Variants in ENOX1 observed in about 807,000 individuals in gnomAD.
The protein encoded by ENOX1 is candidate growth-related and time keeping constitutive hydroquinone (NADH) oxidase.
In ENOX1, 42 loss-of-function variants were observed where a neutral mutation model predicts 82.5. That is an observed-to-expected ratio of 0.51 (90% CI 0.40 to 0.66). ENOX1 has a LOEUF of 0.66. ENOX1 is among the 30% of genes least tolerant of loss of function. The pLI is 0.00. For missense variants in ENOX1, 608 were observed against 811.6 expected, an observed-to-expected ratio of 0.75 and a Z score of 3.05; for synonymous variants, 271 against 282.2, an observed-to-expected ratio of 0.96 and a Z score of 0.40.
chr13:43,600,027 C>A (rs2081634570), intron 2 of ENOX1, among the ~76,000 whole-genome samples: 1 of 152,090 alleles, frequency 6.6e-6, no homozygotes, highest in Admixed American at 6.6e-5. Flanking sequence ...AGGACCCAGG[C>A]ACTACTCACT....
chr13:43,384,614 T>C (rs1330551781), intron 5 of ENOX1, among the ~76,000 whole-genome samples: 1 of 152,216 alleles, frequency 6.6e-6, no homozygotes, highest in Non-Finnish European at 1.5e-5. Flanking sequence ...TAGCCAGGTT[T>C]TTCCGCTATG....
intron 1 of ENOX1, among the ~76,000 whole-genome samples, chr13:43,699,873 T>C (rs1365492450): frequency 1.3e-5 from 2 of 152,208 alleles, no homozygotes; most frequent in African/African-American, 2.4e-5. Context: ...TTGAAACATA[T>C]GTACAATGTG....
At chr13:43,651,139 A>G (rs1463631103) in intron 2 of ENOX1, among the ~76,000 whole-genome samples, 1 of 152,166 alleles carries the variant, frequency 6.6e-6, no homozygotes, top group Admixed American at 6.5e-5. Flanking sequence ...GTTTCCAATG[A>G]TACAATCAAG....
intron 11 of ENOX1, among the ~76,000 whole-genome samples, chr13:43,311,463 G>A (rs529329244): frequency 7.3e-5 from 11 of 150,588 alleles, no homozygotes; most frequent in Middle Eastern, 3.4e-3. Flanking sequence ...ACAAAATCTT[G>A]CCCCCCTACC....
chr13:43,616,514 T>G (rs1390310856), intron 2 of ENOX1, among the ~76,000 whole-genome samples: 2 of 151,860 alleles, frequency 1.3e-5, no homozygotes, highest in African/African-American at 4.8e-5. Context: ...CATATAATAT[T>G]TTTAAATCCT....
intron 1 of ENOX1, among the ~76,000 whole-genome samples, chr13:43,676,592 A>T (rs971219904): frequency 2.0e-5 from 3 of 151,126 alleles, no homozygotes; most frequent in African/African-American, 7.3e-5. Flanking sequence ...TGATTTGCAG[A>T]CTTCCTCTCT....
intron 14 of ENOX1, among the ~76,000 whole-genome samples, chr13:43,238,568 C>T (rs750769889): frequency 6.9e-4 from 105 of 152,066 alleles, no homozygotes; most frequent in Non-Finnish European, 7.9e-4. Context: ...GATGGACTTC[C>T]AGGCCTGGGA....
At chr13:43,720,726 T>C (rs1483114513) in intron 1 of ENOX1, among the ~76,000 whole-genome samples, 1 of 152,246 alleles carries the variant, frequency 6.6e-6, no homozygotes, top group Non-Finnish European at 1.5e-5. Context: ...GTGTCCCCAT[T>C]CCTTTCTACC....
intron 12 of ENOX1, among the ~76,000 whole-genome samples, chr13:43,281,750 T>G (rs901589884): frequency 1.3e-5 from 2 of 152,194 alleles, no homozygotes; most frequent in Non-Finnish European, 1.5e-5. Flanking sequence ...GTTTTCACTG[T>G]AGAAATACGG....
intron 2 of ENOX1, among the ~76,000 whole-genome samples, chr13:43,592,924 A>G (rs2081307504): frequency 6.6e-6 from 1 of 152,220 alleles, no homozygotes; most frequent in Admixed American, 6.5e-5. Context: ...ATACCCATAC[A>G]AAAACACTTT....
At chr13:43,410,600 A>ATATG (rs2054064633) in intron 5 of ENOX1, among the ~76,000 whole-genome samples, 1 of 140,512 alleles carries the variant, frequency 7.1e-6, no homozygotes, top group South Asian at 2.4e-4. Context: ...ATATATGTGT[A>ATATG]TACACATATA....
intron 3 of ENOX1, among the ~76,000 whole-genome samples, chr13:43,445,328 T>G (rs532816900): frequency 3.3e-5 from 5 of 152,106 alleles, no homozygotes; most frequent in South Asian, 2.1e-4. Flanking sequence ...TTTCACCGTG[T>G]TAGCCAGGAT....
intron 3 of ENOX1, among the ~76,000 whole-genome samples, chr13:43,416,583 G>A (rs183517412): frequency 0.011 from 1,655 of 150,030 alleles, 16 homozygotes; most frequent in Non-Finnish European, 0.015. Flanking sequence ...CAGGGCAGCC[G>A]GGCAGAGGCG....
At chr13:43,535,445 T>C (rs1455888613) in intron 2 of ENOX1, among the ~76,000 whole-genome samples, 1 of 152,168 alleles carries the variant, frequency 6.6e-6, no homozygotes, top group African/African-American at 2.4e-5. Flanking sequence ...TGGGTCTTCT[T>C]ATACCCTGCC....
intron 11 of ENOX1, among the ~76,000 whole-genome samples, chr13:43,310,514 T>C (rs887364834): frequency 7.2e-5 from 11 of 152,216 alleles, no homozygotes; most frequent in African/African-American, 2.4e-4. Context: ...TACTAGCTTT[T>C]TATTGAACAT....
At chr13:43,301,879 C>T (rs538965213) in intron 11 of ENOX1, among the ~76,000 whole-genome samples, 3 of 151,864 alleles carry the variant, frequency 2.0e-5, no homozygotes, top group East Asian at 1.9e-4. Context: ...TGGGCCAGAG[C>T]GCTAACAGAA....
Position 43,344,706 on chromosome 13 carries a change from T to C in ENOX1, c.868A>G (p.Ile290Val), listed in dbSNP as rs762657391. 1 of 1,614,062 alleles carries C rather than the reference T, an allele frequency of 6.2e-7. No homozygotes were observed. The highest frequency in any genetic ancestry group is 8.5e-7 in the Non-Finnish European group (1 of 1,180,040). Residue 290 changes from isoleucine to valine, a missense_variant, in exon 9 of 17, where the codon ATT (isoleucine) becomes GTT (valine). By Grantham distance (29) the Ile-to-Val change is conservative (BLOSUM62 3). Transcript: ENST00000690772. Reference protein sequence around the residue: ...SEAITVLLSWIERGEVNRRSA... With the variant: ...SEAITVLLSWVERGEVNRRSA... ...CGCCGATTCACTTCCCCTCGTTCAA[T>C]CCAGGAAAGCAGCACTGTGATAGCC... is the stretch of plus-strand genomic sequence containing the variant.
At chr13:43,368,666 C>T (rs1347070584) in intron 5 of ENOX1, among the ~76,000 whole-genome samples, 1 of 152,168 alleles carries the variant, frequency 6.6e-6, no homozygotes, top group Non-Finnish European at 1.5e-5. Context: ...ACTCTTAAGA[C>T]ACAGTGGGCC....
intron 1 of ENOX1, among the ~76,000 whole-genome samples, chr13:43,783,326 T>A (rs1259032512): frequency 6.6e-6 from 1 of 152,242 alleles, no homozygotes; most frequent in Non-Finnish European, 1.5e-5. Flanking sequence ...CAAATGCTAA[T>A]GTATTTTCTA....
Sources: gnomAD v4.1 joint callset for allele counts (sites outside exome capture counted in the v4.1 genomes callset) on GRCh38, gnomAD v4.1.1 for gene constraint, MANE v1.5 for transcripts, NCBI Gene and HGNC (gene_info 2026-07-23, HGNC 2026-07-21) for gene names.